SATB2: variants seen among roughly 807,000 people sequenced by gnomAD.
The protein encoded by SATB2 is DNA-binding protein SATB2.
In SATB2, 1 loss-of-function variant was observed where a neutral mutation model predicts 73.4. The observed-to-expected ratio is 0.01, with a 90% CI of 0.00 to 0.06. The LOEUF is 0.06. SATB2 is among the 10% of genes least tolerant of loss of function. The pLI, the probability that SATB2 is intolerant of heterozygous loss-of-function variation, is 1.00. For missense variants in SATB2, 459 were observed against 945.8 expected (o/e 0.49, Z 6.75); for synonymous variants, 397 against 367.0 (o/e 1.08, Z -0.93).
chr2:199,446,804 T>G (rs893669693), intron 2 of SATB2, among the ~76,000 whole-genome samples: 1 of 152,212 alleles, frequency 6.6e-6, no homozygotes, highest in African/African-American at 2.4e-5. Context: ...AAAGGGATGA[T>G]AAATGCTCGG....
chr2:199,409,476 C>T (rs921270007), intron 3 of SATB2, among the ~76,000 whole-genome samples: 37 of 152,260 alleles, frequency 2.4e-4, no homozygotes, highest in African/African-American at 8.7e-4. Context: ...GGCCGCAAAC[C>T]TCCAACATTT....
At chr2:199,384,349 T>C (rs1689866025) in intron 3 of SATB2, among the ~76,000 whole-genome samples, 1 of 152,226 alleles carries the variant, frequency 6.6e-6, no homozygotes, top group African/African-American at 2.4e-5. Context: ...TGCACAGTCC[T>C]AGAAGTCATG....
intron 3 of SATB2, among the ~76,000 whole-genome samples, chr2:199,413,641 T>C (rs1424794223): frequency 6.9e-6 from 1 of 145,208 alleles, no homozygotes; most frequent in Non-Finnish European, 1.5e-5. Context: ...CCAGGCTCTC[T>C]AGTCCTGAGA....
intron 3 of SATB2, among the ~76,000 whole-genome samples, chr2:199,401,394 A>G (rs1690470603): frequency 6.6e-6 from 1 of 151,912 alleles, no homozygotes; most frequent in African/African-American, 2.4e-5. Context: ...AAAATACAAA[A>G]AAAAAAAGAT....
rs1490389068 is a variant in SATB2 at position 199,315,364 on chromosome 2, A to G, written c.1543-6407T>C. On this transcript the variant is annotated intron_variant, in intron 9 of 10. Transcript: ENST00000417098. ...CCAAACCACATACCAAAGGCTGAGA[A>G]TGTTCAAATGACCAGGGAGGCCTTT... Among the ~76,000 whole-genome samples the G allele has an allele frequency of 1.3e-5, 2 of 152,108 alleles. 1 individual carries two copies. The highest frequency in any genetic ancestry group is 4.8e-5 in the African/African-American group (2 of 41,380).
intron 6 of SATB2, among the ~76,000 whole-genome samples, chr2:199,357,761 C>T (rs910574739): frequency 6.6e-6 from 1 of 151,812 alleles, no homozygotes; most frequent in Non-Finnish European, 1.5e-5. Flanking sequence ...TTTCTTGAGG[C>T]CAAAGCTTTT....
chr2:199,298,267 C>A (rs1362728264), intron 10 of SATB2, among the ~76,000 whole-genome samples: 1 of 152,138 alleles, frequency 6.6e-6, no homozygotes, highest in African/African-American at 2.4e-5. Flanking sequence ...AAATTTTAAG[C>A]AGCCTCTACA....
chr2:199,449,562 C>T (rs977987015), intron 2 of SATB2, among the ~76,000 whole-genome samples: 9 of 152,072 alleles, frequency 5.9e-5, no homozygotes, highest in Admixed American at 2.0e-4. Context: ...TAAAGAGCAA[C>T]GGAAAATAGC....
At chr2:199,403,021 C>A (rs1338038705) in intron 3 of SATB2, among the ~76,000 whole-genome samples, 1 of 152,178 alleles carries the variant, frequency 6.6e-6, no homozygotes, top group African/African-American at 2.4e-5. Context: ...ACAGTGTTAA[C>A]ACCTTAAATG....
rs922935245 is a variant in SATB2, at chr2:199,433,477, C to T, written c.207G>A (p.Leu69=). 6.2e-7 allele frequency: 1 copy of T among 1,614,102 alleles called. No individual in the cohort carries two copies. ...TGTTGTCATATTCAAGAGAGCCGTC[C>T]AACTGCTCCACGACACAAAAGACAG... The part of the protein sequence containing the change: ...MIPVFCVVEQ[L]DGSLEYDNRE... The change falls in exon 3 of 11, where the codon TTG becomes TTA. Residue 69 remains leucine, a synonymous_variant. Transcript: ENST00000417098.
chr2:199,416,155 A>G (rs1690973794), intron 3 of SATB2, among the ~76,000 whole-genome samples: 1 of 152,200 alleles, frequency 6.6e-6, no homozygotes, highest in Admixed American at 6.5e-5. Flanking sequence ...AGTTATTTCC[A>G]TACAGGTGTG....
intron 10 of SATB2, among the ~76,000 whole-genome samples, chr2:199,288,451 A>G (rs1692749464): frequency 6.6e-6 from 1 of 152,206 alleles, no homozygotes; most frequent in Non-Finnish European, 1.5e-5. Flanking sequence ...GGGGAAAGAG[A>G]TGAAAGAAGG....
At chr2:199,341,903 A>T (rs1288797402) in intron 7 of SATB2, among the ~76,000 whole-genome samples, 1 of 152,192 alleles carries the variant, frequency 6.6e-6, no homozygotes, top group African/African-American at 2.4e-5. Flanking sequence ...GAAGCAGGAC[A>T]GGGAAGAGAA....
chr2:199,419,363 G>C (rs1045600356), intron 3 of SATB2, among the ~76,000 whole-genome samples: 2 of 152,180 alleles, frequency 1.3e-5, no homozygotes, highest in African/African-American at 4.8e-5. Context: ...CACTAAGAGA[G>C]AGAATTTTCT....
In SATB2 at chr2:199,346,201, G is replaced by A. The variant is rs1001727653; in HGVS notation, c.1173+2500C>T. On this transcript the variant is annotated intron_variant, in intron 7 of 10. Transcript: ENST00000417098. ...AGTCTCGCTCTGTTGCCAGGCTGGAGTGCAGTGGCGCAATCTCGGCTCACT... is the reference window on the plus strand; with the variant it reads ...AGTCTCGCTCTGTTGCCAGGCTGGAATGCAGTGGCGCAATCTCGGCTCACT... 6.0e-5 allele frequency among the ~76,000 whole-genome samples: 9 copies of A among 150,916 alleles called. No individual in the cohort carries two copies. The South Asian group carries it at 1.7e-3, about 28-fold the overall frequency.
chr2:199,280,175 C>A (rs1470740189), intron 10 of SATB2, among the ~76,000 whole-genome samples: 1 of 152,214 alleles, frequency 6.6e-6, no homozygotes, highest in Non-Finnish European at 1.5e-5. Flanking sequence ...ATCTTTACTG[C>A]AATCTCTGAA....
intron 10 of SATB2, among the ~76,000 whole-genome samples, chr2:199,285,915 C>G (rs1174935769): frequency 2.9e-5 from 4 of 138,194 alleles, no homozygotes; most frequent in African/African-American, 1.1e-4. Flanking sequence ...AACCAAGATA[C>G]TACTGGAACA....
At chr2:199,374,961 C>G (rs1328662814) in intron 5 of SATB2, among the ~76,000 whole-genome samples, 1 of 145,414 alleles carries the variant, frequency 6.9e-6, no homozygotes, top group Non-Finnish European at 1.5e-5. Context: ...GAGACTCCGT[C>G]GCAAAAAGAA....
intron 7 of SATB2, among the ~76,000 whole-genome samples, chr2:199,339,019 G>C (rs1483577458): frequency 6.6e-6 from 1 of 151,772 alleles, no homozygotes; most frequent in Non-Finnish European, 1.5e-5. Flanking sequence ...AAGGAGAAAA[G>C]AAAGGTCTTC....
Sources: allele counts gnomAD v4.1 joint callset (sites outside exome capture counted in the v4.1 genomes callset), GRCh38; gene constraint gnomAD v4.1.1; transcripts MANE v1.5; gene names NCBI Gene and HGNC (gene_info 2026-07-23, HGNC 2026-07-21).